PRR13: variants seen among roughly 807,000 people sequenced by gnomAD.
PRR13 encodes the protein proline rich 13, also known as proline-rich protein 13.
PRR13 carries 7 observed loss-of-function variants against 11.5 expected under a neutral mutation model. The observed-to-expected ratio is 0.61, with a 90% CI of 0.34 to 1.14. The LOEUF (loss-of-function observed/expected upper bound fraction) is 1.14. PRR13 is among the 50% of genes most tolerant of loss of function. PRR13 has a pLI of 0.03. For missense variants in PRR13, 155 were observed against 194.4 expected (o/e 0.80, Z 1.21); for synonymous variants, 53 against 67.8 (o/e 0.78, Z 1.07).
Position 53,444,386 on chromosome 12 carries a change from G to A in PRR13, c.402+613G>A, listed in dbSNP as rs547411585. Among the ~76,000 whole-genome samples the A allele has an allele frequency of 7.3e-5, 11 of 149,898 alleles. No homozygotes were observed. In the East Asian group the frequency reaches 2.2e-3, roughly 29 times the overall value. ...GCTCTTTAGCCCAGGCCAGATTGCAGTGGCACAATCTCGGCTCACTGCAAG... is the reference window on the plus strand; with the variant it reads ...GCTCTTTAGCCCAGGCCAGATTGCAATGGCACAATCTCGGCTCACTGCAAG... On this transcript the variant is annotated intron_variant, in intron 3 of 3. Transcript: ENST00000429243.
In PRR13 at chr12:53,443,533, C is replaced by T. The variant is rs1181509333; in HGVS notation, c.162C>T (p.Phe54=). 15 of 1,552,222 alleles carry T rather than the reference C, an allele frequency of 9.7e-6. No homozygotes were observed. The highest frequency in any genetic ancestry group is 2.3e-4 in the Middle Eastern group (1 of 4,260). The change falls in exon 3 of 4, where the codon TTC becomes TTT. Residue 54 remains phenylalanine, a synonymous_variant. Coordinates refer to ENST00000429243, the MANE Select transcript of PRR13 (RefSeq NM_018457.4). The part of the protein sequence containing the change: ...PPGAPHGNPA[F]PPGGPPHPVP... ...GAGCTCCCCATGGCAATCCAGCTTT[C>T]CCCCCAGGTGGGCCCCCTCATCCTG...
rs1228466793 is a variant in PRR13 at position 53,441,807 on chromosome 12, G to A, written c.-21+15G>A. Reference sequence around the variant, plus strand: ...GCGGTGGAAAGGTGATGGGGTATCTGGATTCCATAGGTTTTTCCTTTTCCC... The same window carrying A: ...GCGGTGGAAAGGTGATGGGGTATCTAGATTCCATAGGTTTTTCCTTTTCCC... On this transcript the variant is annotated intron_variant, in intron 1 of 3. Coordinates refer to ENST00000429243, the MANE Select transcript of PRR13 (RefSeq NM_018457.4). The A allele has an allele frequency of 1.4e-6, 1 of 702,362 alleles. No homozygotes were observed. The highest frequency in any genetic ancestry group is 2.0e-5 in the Admixed American group (1 of 50,008). 43.5% of individuals were successfully genotyped at this position (702,362 alleles called of 1,614,324 possible).
intron 1 of PRR13, 200 bp downstream of exon 1, chr12:53,441,992 G>A: frequency 1.6e-6 from 1 of 607,256 alleles, no homozygotes; most frequent in Non-Finnish European, 2.9e-6. Context: ...TTTTTAGCCT[G>A]AGGTGGGGTC....
intron 1 of PRR13, chr12:53,442,065 C>T: frequency 3.8e-6 from 2 of 526,382 alleles, no homozygotes; most frequent in Non-Finnish European, 6.7e-6. Flanking sequence ...TTAAAGGCCT[C>T]CGTACTCAGT....
At position 53,443,403 on chromosome 12, in the gene PRR13, C is replaced by G. The variant is rs1474724121; in HGVS notation, c.32C>G (p.Pro11Arg). The stretch of plus-strand genomic sequence containing the variant: ...CTTCTTCCACCAGGGCAGCCAGGGC[C>G]AAATCCATATCCCCCCAATATTGGG... MWNPNAGQPG[P>R]NPYPPNIGCP... Residue 11 changes from proline to arginine, a missense_variant, in exon 3 of 4, where the codon CCA becomes CGA. Pro to Arg is a moderately radical substitution (Grantham distance 103). Transcript: ENST00000429243. 1 of 1,407,476 alleles carries G rather than the reference C, an allele frequency of 7.1e-7. No homozygotes were observed. Among genetic ancestry groups the G allele is most frequent in the African/African-American group, 1.4e-5 (1 of 69,246 alleles). The allele number at this position is 1,407,476 out of a possible 1,614,324, so 87.2% of individuals were successfully genotyped here.
At chr12:53,444,804 A>G (rs1220036623) in intron 3 of PRR13, among the ~76,000 whole-genome samples, 3 of 152,036 alleles carry the variant, frequency 2.0e-5, no homozygotes, top group Non-Finnish European at 4.4e-5. Context: ...AGGCTGAGGC[A>G]GGAGAATTGC....
At chr12:53,443,918 A>G in intron 3 of PRR13, 145 bp downstream of exon 3, 2 of 1,001,770 alleles carry the variant, frequency 2.0e-6, no homozygotes, top group Non-Finnish European at 2.9e-6. Flanking sequence ...TCCTTTTTAT[A>G]AAAGATTGCT....
At position 53,441,989 on chromosome 12, in the gene PRR13, C is replaced by T. The variant is rs1940301156; in HGVS notation, c.-21+197C>T. ...GCCTCGAGGCGTATCCTTTTTTTAGCCTGAGGTGGGGTCCTCCCCAGGGAG... is the reference window on the plus strand; with the variant it reads ...GCCTCGAGGCGTATCCTTTTTTTAGTCTGAGGTGGGGTCCTCCCCAGGGAG... On this transcript the variant is annotated intron_variant, in intron 1 of 3. Transcript: ENST00000429243. The T allele has an allele frequency of 1.3e-5, 8 of 607,490 alleles. No individual in the cohort carries two copies. The East Asian group carries it at 2.2e-4, about 17-fold the overall frequency. The allele number at this position is 607,490 out of a possible 1,614,324, so 37.6% of individuals were successfully genotyped here.
At position 53,446,207 on chromosome 12, in the gene PRR13, G is replaced by C. The variant is rs1940398926; in HGVS notation, c.*148G>C. The C allele has an allele frequency of 7.1e-7, 1 of 1,415,242 alleles. No homozygotes were observed. The highest frequency in any genetic ancestry group is 2.3e-5 in the Admixed American group (1 of 43,134). The allele number at this position is 1,415,242 out of a possible 1,614,324, so 87.7% of individuals were successfully genotyped here. A position where few individuals can be genotyped will look rare whatever the true frequency, so the allele number is the denominator to read the frequency against. On this transcript the variant is annotated 3_prime_UTR_variant, in exon 4 of 4. Coordinates refer to ENST00000429243, the MANE Select transcript of PRR13 (RefSeq NM_018457.4). ...CTCACCCTGCTGTTGAGCCCTGAGT[G>C]GCTAGGGGAAATGGGAAGAGGATTG...
At chr12:53,441,918 A>G (rs1435837452) in intron 1 of PRR13, 126 bp downstream of exon 1, 3 of 678,688 alleles carry the variant, frequency 4.4e-6, no homozygotes, top group African/African-American at 3.6e-5. Flanking sequence ...GGCTGTGTCC[A>G]CATATTTAAG....
chr12:53,446,029 C>A lies in PRR13; in HGVS notation c.417C>A (p.Ser139=), dbSNP rs1392422306. ...TCCCCTTGCAGCATTCCTCCTCTTCCTCCTCCTCTTCCAGCAGTGATTCTG... is the reference window on the plus strand; with the variant it reads ...TCCCCTTGCAGCATTCCTCCTCTTCATCCTCCTCTTCCAGCAGTGATTCTG... The part of the protein sequence containing the change: ...YHKHGKHSSS[S]SSSSSSDSD The change falls in exon 4 of 4, where the codon TCC becomes TCA. Residue 139 remains serine (S), a synonymous_variant. Coordinates refer to ENST00000429243, the MANE Select transcript of PRR13 (RefSeq NM_018457.4). 1 of 1,613,728 alleles carries A rather than the reference C, an allele frequency of 6.2e-7. No individual in the cohort carries two copies. The highest frequency in any genetic ancestry group is 1.3e-5 in the African/African-American group (1 of 75,036).
chr12:53,442,508 G>T (rs1167675760), intron 1 of PRR13, 187 bp from the exon 2 acceptor site: 16 of 529,960 alleles, frequency 3.0e-5, no homozygotes, highest in Non-Finnish European at 5.1e-5. Context: ...CTCCCAAAGT[G>T]CTGGGATTAC....
At position 53,446,351 on chromosome 12, in the gene PRR13, A is replaced by G. The variant is rs1940400814; in HGVS notation, c.*292A>G. 2 of 351,726 alleles carry G rather than the reference A, an allele frequency of 5.7e-6. No homozygotes were observed. The highest frequency in any genetic ancestry group is 4.6e-5 in the Admixed American group (1 of 21,638). 21.8% of individuals were successfully genotyped at this position (351,726 alleles called of 1,614,324 possible). On this transcript the variant is annotated 3_prime_UTR_variant, in exon 4 of 4. Transcript: ENST00000429243. Reference sequence around the variant, plus strand: ...TGAAGACAAGTTTGAGATCTGTAAAATGTGATTTTTTACTTCCACTTATAA... The same window carrying G: ...TGAAGACAAGTTTGAGATCTGTAAAGTGTGATTTTTTACTTCCACTTATAA...
At position 53,446,357 on chromosome 12, in the gene PRR13, T is replaced by C. The variant is rs1940400899; in HGVS notation, c.*298T>C. 2 of 337,706 alleles carry C rather than the reference T, an allele frequency of 5.9e-6. No homozygotes were observed. Among genetic ancestry groups the C allele is most frequent in the East Asian group, 1.0e-4 (2 of 19,718 alleles). The allele number at this position is 337,706 out of a possible 1,614,324, so 20.9% of individuals were successfully genotyped here. A position where few individuals can be genotyped will look rare whatever the true frequency, so the allele number is the denominator to read the frequency against. On this transcript the variant is annotated 3_prime_UTR_variant, in exon 4 of 4. Coordinates refer to ENST00000429243, the MANE Select transcript of PRR13 (RefSeq NM_018457.4). ...CAAGTTTGAGATCTGTAAAATGTGATTTTTTACTTCCACTTATAATACTTG... is the reference window on the plus strand; with the variant it reads ...CAAGTTTGAGATCTGTAAAATGTGACTTTTTACTTCCACTTATAATACTTG...
Position 53,443,721 on chromosome 12 carries a change from A to T in PRR13, c.350A>T (p.His117Leu), listed in dbSNP as rs148373510. The T allele has an allele frequency of 6.2e-7, 1 of 1,613,932 alleles. No individual in the cohort carries two copies. Among genetic ancestry groups the T allele is most frequent in the Non-Finnish European group, 8.5e-7 (1 of 1,179,894 alleles). The change falls in exon 3 of 4, where the codon CAT becomes CTT. Residue 117 changes from histidine to leucine, a missense_variant. His to Leu is a moderately conservative substitution (Grantham distance 99). Coordinates refer to ENST00000429243, the MANE Select transcript of PRR13 (RefSeq NM_018457.4). ...KKMQKKMKKA[H>L]KKMHKHQKHH... is the part of the protein sequence containing the mutation. Reference sequence around the variant, plus strand: ...ATGCAGAAGAAAATGAAGAAAGCTCATAAAAAGATGCACAAGCACCAAAAG... The same window carrying T: ...ATGCAGAAGAAAATGAAGAAAGCTCTTAAAAAGATGCACAAGCACCAAAAG...
chr12:53,443,198 C>T (rs1370232526), intron 2 of PRR13, 193 bp from the exon 3 acceptor site: 7 of 548,134 alleles, frequency 1.3e-5, no homozygotes, highest in Non-Finnish European at 1.8e-5. Context: ...CTGTCTCCCT[C>T]CTCTCCCTAG....
At position 53,442,743 on chromosome 12, in the gene PRR13, T is replaced by C. The variant is rs1940318760; in HGVS notation, c.19+10T>C. The C allele has an allele frequency of 1.2e-6, 2 of 1,608,454 alleles. No individual in the cohort carries two copies. Among genetic ancestry groups the C allele is most frequent in the African/African-American group, 2.7e-5 (2 of 74,768 alleles). ...TGGAATCCCAATGCCGGTAGGTGTT[T>C]GGGGGTTCTGTTCCACCCCTAACCC... On this transcript the variant is annotated intron_variant, in intron 2 of 3. Transcript: ENST00000429243.
intron 3 of PRR13, among the ~76,000 whole-genome samples, chr12:53,445,055 G>T (rs1592618431): frequency 6.6e-6 from 1 of 152,066 alleles, no homozygotes; most frequent in Admixed American, 6.6e-5. Flanking sequence ...GTCTTTGATA[G>T]AAATCTGAAG....
In PRR13 at chr12:53,443,744, A is replaced by G. The variant is rs1218676502; in HGVS notation, c.373A>G (p.Lys125Glu). The G allele has an allele frequency of 1.2e-6, 2 of 1,609,370 alleles. No homozygotes were observed. The highest frequency in any genetic ancestry group is 8.5e-7 in the Non-Finnish European group (1 of 1,177,850). The part of the protein sequence containing the change: ...KAHKKMHKHQ[K>E]HHKYHKHGKH... Reference sequence around the variant, plus strand: ...TCATAAAAAGATGCACAAGCACCAAAAGCACCACAAGTACCACAAGCATGG... The same window carrying G: ...TCATAAAAAGATGCACAAGCACCAAGAGCACCACAAGTACCACAAGCATGG... The change falls in exon 3 of 4, where the codon AAG (lysine) becomes GAG (glutamate). Residue 125 changes from lysine to glutamate, a missense_variant. By Grantham distance (56) the Lys-to-Glu change is moderately conservative. Coordinates refer to ENST00000429243, the MANE Select transcript of PRR13 (RefSeq NM_018457.4).
Sources: gnomAD v4.1 joint callset for allele counts (sites outside exome capture counted in the v4.1 genomes callset) on GRCh38, gnomAD v4.1.1 for gene constraint, MANE v1.5 for transcripts, NCBI Gene and HGNC (gene_info 2026-07-23, HGNC 2026-07-21) for gene names.